MDGA1: variants seen among roughly 807,000 people sequenced by gnomAD.
The protein encoded by MDGA1 is MAM domain containing glycosylphosphatidylinositol anchor 1.
In MDGA1, 54 loss-of-function variants were observed where a neutral mutation model predicts 101.5. The observed-to-expected ratio is 0.53, with a 90% CI of 0.43 to 0.67. The LOEUF (loss-of-function observed/expected upper bound fraction) is 0.67, where lower values mean the gene tolerates loss of function less well. Ranked by LOEUF, MDGA1 falls within the 30% of genes least tolerant of loss-of-function variation. The pLI, the probability that MDGA1 is intolerant of heterozygous loss-of-function variation, is 0.00. For synonymous variants in MDGA1, 533 were observed against 558.3 expected (o/e 0.95, Z 0.64); for missense variants, 1,083 against 1,323.8 (o/e 0.82, Z 2.82).
intron 14 of MDGA1, among the ~76,000 whole-genome samples, chr6:37,642,147 G>GTATATATATATATATATATGTA (rs35308269): frequency 7.4e-6 from 1 of 135,394 alleles, no homozygotes; most frequent in African/African-American, 2.7e-5. Context: ...TTATATATAT[G>GTATATATATATATATATATGTA]TATATATATA....
chr6:37,647,963 GA>G (rs1457491836), intron 9 of MDGA1, among the ~76,000 whole-genome samples: 1 of 152,176 alleles, frequency 6.6e-6, no homozygotes, highest in Non-Finnish European at 1.5e-5. Context: ...CTGAATGGGG[GA>G]CAGACATCCC....
At chr6:37,694,820 C>T (rs928591800) in intron 1 of MDGA1, among the ~76,000 whole-genome samples, 4 of 152,158 alleles carry the variant, frequency 2.6e-5, no homozygotes, top group African/African-American at 9.7e-5. Flanking sequence ...CCCCAGCACA[C>T]CCAGCCCACT....
At chr6:37,671,519 C>A (rs1466017547) in intron 1 of MDGA1, among the ~76,000 whole-genome samples, 2 of 152,162 alleles carry the variant, frequency 1.3e-5, no homozygotes, top group Non-Finnish European at 2.9e-5. Context: ...TGAGCACAGC[C>A]GAGGCAGAAT....
rs540957974 is a variant in MDGA1, at chr6:37,693,982, C to T, written c.67+2763G>A. Reference sequence around the variant, plus strand: ...GAAGCAGGACATAGGGTTCTAGGCACCTACCTCCTACCAGCCTCAGCAGAG... The same window carrying T: ...GAAGCAGGACATAGGGTTCTAGGCATCTACCTCCTACCAGCCTCAGCAGAG... On this transcript the variant is annotated intron_variant, in intron 1 of 16. Coordinates refer to ENST00000434837, the MANE Select transcript of MDGA1 (RefSeq NM_153487.4). 1.6e-4 allele frequency among the ~76,000 whole-genome samples: 24 copies of T among 152,304 alleles called. 1 individual carries two copies. Among genetic ancestry groups the T allele is most frequent in the Admixed American group, 3.9e-4 (6 of 15,304 alleles).
At chr6:37,676,977 G>GC (rs1761994344) in intron 1 of MDGA1, among the ~76,000 whole-genome samples, 1 of 151,134 alleles carries the variant, frequency 6.6e-6, no homozygotes, top group African/African-American at 2.4e-5. Flanking sequence ...CACTTAACTT[G>GC]CCTAAGCCCC....
intron 1 of MDGA1, among the ~76,000 whole-genome samples, chr6:37,672,173 G>C (rs1028461274): frequency 6.6e-6 from 1 of 151,590 alleles, no homozygotes; most frequent in Non-Finnish European, 1.5e-5. Context: ...CCTTCAGGCC[G>C]GGCACAGTGC....
At chr6:37,680,439 C>T (rs1306271672) in intron 1 of MDGA1, among the ~76,000 whole-genome samples, 2 of 152,204 alleles carry the variant, frequency 1.3e-5, no homozygotes, top group African/African-American at 4.8e-5. Context: ...AAGGAGGTGA[C>T]AGAGGTATGC....
Position 37,689,081 on chromosome 6 carries a change from G to A in MDGA1, c.67+7664C>T, listed in dbSNP as rs192771709. On this transcript the variant is annotated intron_variant, in intron 1 of 16. Transcript: ENST00000434837. The stretch of plus-strand genomic sequence containing the variant: ...CCCCACTCTGTGCTGCAGCTGCCCC[G>A]AGCTCCCCAGTCCCCCGGTGGCCCT... Among the ~76,000 whole-genome samples, 77 of 152,188 alleles carry A rather than the reference G, an allele frequency of 5.1e-4. No homozygotes were observed. In the East Asian group the frequency reaches 0.011, roughly 22 times the overall value.
intron 14 of MDGA1, chr6:37,639,234 G>T (rs1764007368): frequency 1.3e-5 from 2 of 153,380 alleles, no homozygotes; most frequent in Non-Finnish European, 2.9e-5. Flanking sequence ...CTGTGTGACT[G>T]TCCGTGCTCT....
intron 13 of MDGA1, 150 bp from the exon 14 acceptor site, chr6:37,644,093 AC>A: frequency 2.1e-6 from 1 of 476,296 alleles, no homozygotes; most frequent in African/African-American, 2.2e-5. Context: ...GCCTCACCCC[AC>A]ACATCCTGCC....
rs556075716 is a variant in MDGA1 at position 37,633,851 on chromosome 6, G to C, written c.*3517C>G. The C allele has an allele frequency of 6.6e-6, 1 of 152,422 alleles. No homozygotes were observed. Among genetic ancestry groups the C allele is most frequent in the African/African-American group, 2.4e-5 (1 of 41,566 alleles). The allele number at this position is 152,422 out of a possible 1,614,324, so 9.4% of individuals were successfully genotyped here. A position where few individuals can be genotyped will look rare whatever the true frequency, so the allele number is the denominator to read the frequency against. On this transcript the variant is annotated 3_prime_UTR_variant, in exon 17 of 17. Coordinates refer to ENST00000434837, the MANE Select transcript of MDGA1 (RefSeq NM_153487.4). ...GTAGTACTTGGCTCTCCCAAGACTGGCTCTACTCAAACTAGCTGTGTGACC... is the reference window on the plus strand; with the variant it reads ...GTAGTACTTGGCTCTCCCAAGACTGCCTCTACTCAAACTAGCTGTGTGACC...
intron 1 of MDGA1, among the ~76,000 whole-genome samples, chr6:37,694,136 C>A (rs1022508877): frequency 2.0e-5 from 3 of 152,158 alleles, no homozygotes; most frequent in Non-Finnish European, 4.4e-5. Context: ...GGATTCCTCC[C>A]CAGGATATAC....
intron 10 of MDGA1, among the ~76,000 whole-genome samples, chr6:37,646,968 G>T (rs1400490846): frequency 6.6e-6 from 1 of 152,086 alleles, no homozygotes; most frequent in Non-Finnish European, 1.5e-5. Flanking sequence ...CTAGAGTCTG[G>T]GTCCAGAAGG....
rs371750830 is a variant in MDGA1 at position 37,644,576 on chromosome 6, C to T, written c.2322G>A (p.Thr774=). 27 of 1,609,388 alleles carry T rather than the reference C, an allele frequency of 1.7e-5. No homozygotes were observed. The highest frequency in any genetic ancestry group is 1.2e-4 in the African/African-American group (9 of 74,748). ...TQDLTDNFDW[T]RQNALTQNPK... ...GGTTCTGGGTGAGGGCATTCTGCCGCGTCCAGTCAAAGTTGTCTGTCAGGT... is the reference window on the plus strand; with the variant it reads ...GGTTCTGGGTGAGGGCATTCTGCCGTGTCCAGTCAAAGTTGTCTGTCAGGT... Residue 774 remains threonine (T), a synonymous_variant, in exon 13 of 17, where the codon ACG becomes ACA. Coordinates refer to ENST00000434837, the MANE Select transcript of MDGA1 (RefSeq NM_153487.4).
intron 1 of MDGA1, among the ~76,000 whole-genome samples, chr6:37,672,502 C>G (rs914343043): frequency 6.6e-6 from 1 of 152,166 alleles, no homozygotes; most frequent in Non-Finnish European, 1.5e-5. Flanking sequence ...GCTTCTGGCT[C>G]CTTCAGGGAA....
At chr6:37,680,839 C>T (rs13205226) in intron 1 of MDGA1, among the ~76,000 whole-genome samples, 6,708 of 152,356 alleles carry the variant, frequency 0.044, 249 homozygotes, top group Middle Eastern at 0.075. Context: ...GCACGCCTGG[C>T]GCAGGCCCCA....
chr6:37,675,599 G>T (rs1000723982), intron 1 of MDGA1, among the ~76,000 whole-genome samples: 2 of 152,150 alleles, frequency 1.3e-5, no homozygotes, highest in African/African-American at 4.8e-5. Flanking sequence ...TAATCACTGG[G>T]AGGAAAAGCT....
Position 37,644,947 on chromosome 6 carries a change from T to C in MDGA1, c.2249-298A>G, listed in dbSNP as rs1252665958. 3.9e-5 allele frequency among the ~76,000 whole-genome samples: 6 copies of C among 152,248 alleles called. No individual in the cohort carries two copies. The East Asian group carries it at 1.2e-3, about 29-fold the overall frequency. On this transcript the variant is annotated intron_variant, in intron 12 of 16. Transcript: ENST00000434837. Reference sequence around the variant, plus strand: ...AGGATTATAAAGAAAATCAATTATATCGAAATACAGTTGTCAAAATATTTT... The same window carrying C: ...AGGATTATAAAGAAAATCAATTATACCGAAATACAGTTGTCAAAATATTTT...
At chr6:37,677,152 T>C (rs557795129) in intron 1 of MDGA1, among the ~76,000 whole-genome samples, 2 of 152,154 alleles carry the variant, frequency 1.3e-5, no homozygotes, top group Admixed American at 6.5e-5. Flanking sequence ...GAGGTTCAAA[T>C]TGGAAGTTAA....
Sources: gnomAD v4.1 joint callset for allele counts (sites outside exome capture counted in the v4.1 genomes callset) on GRCh38, gnomAD v4.1.1 for gene constraint, MANE v1.5 for transcripts, NCBI Gene and HGNC (gene_info 2026-07-23, HGNC 2026-07-21) for gene names.